The following TMTC2 variants were observed in gnomAD, a reference collection of about 807,000 sequenced individuals.
The protein encoded by TMTC2 is protein O-mannosyl-transferase TMTC2.
In TMTC2, 43 loss-of-function variants were observed where a neutral mutation model predicts 82.4. The observed-to-expected ratio is 0.52, with a 90% confidence interval of 0.41 to 0.67. The LOEUF is 0.67. TMTC2 is among the 30% of genes least tolerant of loss of function. TMTC2 has a pLI of 0.00. For synonymous variants in TMTC2, 408 were observed against 381.9 expected (o/e 1.07, Z -0.80); for missense variants, 919 against 1,012.4 (o/e 0.91, Z 1.25).
intron 8 of TMTC2, among the ~76,000 whole-genome samples, chr12:82,987,447 AAAAG>A (rs1879204380): frequency 1.3e-5 from 2 of 151,770 alleles, no homozygotes; most frequent in South Asian, 2.1e-4. Context: ...AGAAAAAAAA[AAAAG>A]AAATCATATA....
intron 7 of TMTC2, among the ~76,000 whole-genome samples, chr12:82,981,970 G>C (rs2137329923): frequency 6.6e-6 from 1 of 150,932 alleles, no homozygotes; most frequent in Non-Finnish European, 1.5e-5. Flanking sequence ...GAAAGAGCCA[G>C]AGAAAACTCT....
At chr12:82,836,467 G>A (rs1166511243) in intron 1 of TMTC2, among the ~76,000 whole-genome samples, 1 of 152,162 alleles carries the variant, frequency 6.6e-6, no homozygotes, top group Admixed American at 6.5e-5. Context: ...TTGGAATGAT[G>A]TAATCAATTT....
Position 83,050,922 on chromosome 12 carries a change from A to G in TMTC2, c.2171A>G (p.Glu724Gly). 6.2e-7 allele frequency: 1 copy of G among 1,612,826 alleles called. No homozygotes were observed. The change falls in exon 10 of 12, where the codon GAA (glutamate) becomes GGA (glycine). Residue 724 changes from glutamate (E) to glycine (G), a missense_variant. By Grantham distance (98) the Glu-to-Gly change is moderately conservative. Coordinates refer to ENST00000321196, the MANE Select transcript of TMTC2 (RefSeq NM_152588.3). ...YMHYGQFLLE[E>G]ARLIEAAEMA... ...TTTTCAGGTCAGTTTCTTCTGGAAG[A>G]AGCTCGTCTCATAGAAGCAGCTGAG...
chr12:82,819,705 G>T (rs1253893217), intron 1 of TMTC2, among the ~76,000 whole-genome samples: 1 of 151,808 alleles, frequency 6.6e-6, no homozygotes, highest in Admixed American at 6.6e-5. Context: ...GTTTCACCAT[G>T]TTGGCCAGGC....
intron 1 of TMTC2, among the ~76,000 whole-genome samples, chr12:82,711,404 C>T (rs1873611509): frequency 1.3e-5 from 2 of 151,192 alleles, no homozygotes; most frequent in African/African-American, 4.9e-5. Flanking sequence ...TTAGCCTTGC[C>T]TTTTGATTAA....
chr12:82,882,832 C>A (rs1393856583), intron 2 of TMTC2, among the ~76,000 whole-genome samples: 2 of 151,904 alleles, frequency 1.3e-5, no homozygotes, highest in Non-Finnish European at 2.9e-5. Flanking sequence ...CCGAGGCAGG[C>A]AGATCACAAG....
intron 4 of TMTC2, among the ~76,000 whole-genome samples, chr12:82,957,691 A>G (rs2137289822): frequency 6.6e-6 from 1 of 152,106 alleles, no homozygotes; most frequent in African/African-American, 2.4e-5. Context: ...AATAAGTACA[A>G]AGAAATATAA....
chr12:82,896,730 A>G (rs1203091950), intron 3 of TMTC2, 84 bp downstream of exon 3: 2 of 1,106,988 alleles, frequency 1.8e-6, no homozygotes, highest in African/African-American at 1.6e-5. Context: ...AAAACACAGT[A>G]TTAAGGAGGA....
intron 3 of TMTC2, among the ~76,000 whole-genome samples, chr12:82,901,167 T>C (rs1445632994): frequency 8.3e-5 from 5 of 60,604 alleles, no homozygotes; most frequent in African/African-American, 3.0e-4. Flanking sequence ...TATATATATA[T>C]CTGGAATATA....
chr12:82,893,442 T>C (rs1283791602), intron 2 of TMTC2, among the ~76,000 whole-genome samples: 1 of 152,092 alleles, frequency 6.6e-6, no homozygotes, highest in African/African-American at 2.4e-5. Flanking sequence ...TATTTCTCCT[T>C]CTACTATTAA....
At chr12:83,022,446 C>T (rs1282846600) in intron 8 of TMTC2, among the ~76,000 whole-genome samples, 1 of 145,032 alleles carries the variant, frequency 6.9e-6, no homozygotes, top group Non-Finnish European at 1.5e-5. Context: ...GTGTTACCTA[C>T]TCATGTGTAA....
intron 8 of TMTC2, among the ~76,000 whole-genome samples, chr12:83,026,086 A>G (rs1390532366): frequency 5.3e-5 from 8 of 152,152 alleles, no homozygotes; most frequent in Admixed American, 5.2e-4. Context: ...AATTGTGGGA[A>G]GGGGTGGAGC....
chr12:83,068,665 C>T (rs1198695776), intron 11 of TMTC2, among the ~76,000 whole-genome samples: 1 of 152,030 alleles, frequency 6.6e-6, no homozygotes, highest in African/African-American at 2.4e-5. Context: ...TTCACTTTGA[C>T]TGGTTTTTTC....
chr12:82,899,623 T>TATATGTATAAGA (rs1873868100), intron 3 of TMTC2, among the ~76,000 whole-genome samples: 3 of 133,556 alleles, frequency 2.2e-5, no homozygotes, highest in African/African-American at 9.7e-5. Context: ...TATATAAGAA[T>TATATGTATAAGA]ATATATATGT....
At chr12:82,866,894 A>G (rs1364166630) in intron 2 of TMTC2, among the ~76,000 whole-genome samples, 1 of 152,244 alleles carries the variant, frequency 6.6e-6, no homozygotes, top group Non-Finnish European at 1.5e-5. Context: ...GACTTATGTC[A>G]AATGCATTGA....
intron 11 of TMTC2, among the ~76,000 whole-genome samples, chr12:83,084,028 G>A (rs1883563997): frequency 6.6e-6 from 1 of 152,128 alleles, no homozygotes; most frequent in African/African-American, 2.4e-5. Context: ...TGGGTCTTTT[G>A]GTTCTCCCCA....
intron 1 of TMTC2, among the ~76,000 whole-genome samples, chr12:82,838,430 A>G (rs900984536): frequency 1.4e-4 from 21 of 152,200 alleles, no homozygotes; most frequent in African/African-American, 4.8e-4. Context: ...ACTCCCTACC[A>G]TGATGATCGT....
At chr12:82,719,671 C>CTTTTTTT (rs202235180) in intron 1 of TMTC2, among the ~76,000 whole-genome samples, 1 of 128,140 alleles carries the variant, frequency 7.8e-6, no homozygotes, top group Non-Finnish European at 1.6e-5. Context: ...GTCTCTCTGT[C>CTTTTTTT]TTTTTTTTTT....
intron 1 of TMTC2, among the ~76,000 whole-genome samples, chr12:82,780,405 C>A (rs139543258): frequency 3.0e-4 from 45 of 152,080 alleles, no homozygotes; most frequent in African/African-American, 1.0e-3. Context: ...AAATATCAGA[C>A]CCATTGCTTC....
Sources: gnomAD v4.1 joint callset for allele counts (sites outside exome capture counted in the v4.1 genomes callset) on GRCh38, gnomAD v4.1.1 for gene constraint, MANE v1.5 for transcripts, NCBI Gene and HGNC (gene_info 2026-07-23, HGNC 2026-07-21) for gene names.